The following SLC9A7 variants were observed in gnomAD, a reference collection of about 807,000 sequenced individuals.
The protein encoded by SLC9A7 is solute carrier family 9 member A7.
Under a neutral mutation model 52.6 loss-of-function variants are expected in SLC9A7, and 19 were observed. The ratio of observed to expected loss-of-function variants is 0.36; its 90% CI spans 0.25 to 0.53. The LOEUF (loss-of-function observed/expected upper bound fraction) is 0.53. Among genes scored for constraint, SLC9A7 ranks in the 20% least tolerant of loss-of-function variants. SLC9A7 has a pLI of 0.91. For synonymous variants in SLC9A7, 226 were observed against 252.1 expected (o/e 0.90, Z 0.98); for missense variants, 455 against 597.9 (o/e 0.76, Z 2.49).
intron 7 of SLC9A7, among the ~76,000 whole-genome samples, chrX:46,657,431 T>C (rs1203423218): frequency 6.1e-4 from 67 of 110,273 alleles, no homozygotes; most frequent in Non-Finnish European, 7.9e-4. Context: ...GACTGGCAAA[T>C]TGGATAAAGA....
chrX:46,671,616 T>C (rs970871385), intron 4 of SLC9A7, among the ~76,000 whole-genome samples: 2 of 111,914 alleles, frequency 1.8e-5, no homozygotes, highest in Non-Finnish European at 3.8e-5. Flanking sequence ...GGAGTACTGC[T>C]CAGATATTTT....
intron 14 of SLC9A7, among the ~76,000 whole-genome samples, chrX:46,622,409 C>T (rs1440092966): frequency 9.0e-6 from 1 of 111,456 alleles, no homozygotes; most frequent in Admixed American, 9.5e-5. Flanking sequence ...TTTTGATAGG[C>T]AAATATATAA....
chrX:46,721,992 G>T (rs1468281298), intron 1 of SLC9A7, among the ~76,000 whole-genome samples: 1 of 111,786 alleles, frequency 8.9e-6, no homozygotes, highest in African/African-American at 3.2e-5. Context: ...ACAAATGTGG[G>T]TTTCCTATTC....
At chrX:46,690,579 T>C (rs1334841829) in intron 1 of SLC9A7, among the ~76,000 whole-genome samples, 1 of 112,281 alleles carries the variant, frequency 8.9e-6, no homozygotes, top group East Asian at 2.8e-4. Flanking sequence ...CCTCTTGACA[T>C]TGTCTTTGGC....
intron 1 of SLC9A7, among the ~76,000 whole-genome samples, chrX:46,704,187 T>C (rs758675251): frequency 9.0e-6 from 1 of 111,008 alleles, no homozygotes; most frequent in Admixed American, 9.6e-5. Context: ...TCAACCACTC[T>C]TTTCCCTGTG....
rs927271694 is a variant in SLC9A7 at position 46,615,951 on chromosome X, T to C, written c.1824-2557A>G. 2.7e-5 allele frequency among the ~76,000 whole-genome samples: 3 copies of C among 110,468 alleles called. No individual in the cohort carries two copies. In the Admixed American group the frequency reaches 2.9e-4, roughly 11 times the overall value. ...TAATTAACTTTATACTGGAGATATA[T>C]AACATTTGCTTTCTACTTTATAACT... On this transcript the variant is annotated intron_variant, in intron 15 of 16. Coordinates refer to ENST00000616978, the MANE Select transcript of SLC9A7 (RefSeq NM_001257291.2).
chrX:46,725,797 C>T (rs1489102301), intron 1 of SLC9A7: 1 of 767,271 alleles, frequency 1.3e-6, no homozygotes, highest in African/African-American at 2.1e-5. Context: ...TTGGGTTTCA[C>T]TTTCCCGAAG....
At chrX:46,646,962 G>C in intron 11 of SLC9A7, 1 of 323,172 alleles carries the variant, frequency 3.1e-6, no homozygotes, top group Admixed American at 2.8e-5. Context: ...AGGGATGATC[G>C]GGCTCTATGA....
intron 16 of SLC9A7, among the ~76,000 whole-genome samples, chrX:46,607,926 C>T (rs1942778988): frequency 8.9e-6 from 1 of 112,587 alleles, no homozygotes; most frequent in African/African-American, 3.2e-5. Context: ...CCGCGCTGCA[C>T]TGAGGCCTAT....
intron 8 of SLC9A7, among the ~76,000 whole-genome samples, chrX:46,652,213 T>C (rs1307444099): frequency 8.9e-6 from 1 of 111,854 alleles, no homozygotes; most frequent in Non-Finnish European, 1.9e-5. Context: ...GGCAGTGGCA[T>C]GATCTCGGCT....
At chrX:46,714,186 A>T (rs1249462870) in intron 1 of SLC9A7, among the ~76,000 whole-genome samples, 1 of 110,416 alleles carries the variant, frequency 9.1e-6, no homozygotes, top group Non-Finnish European at 1.9e-5. Context: ...TGAGGTAGGG[A>T]TTATTAACAC....
chrX:46,731,419 C>G (rs906691858), intron 1 of SLC9A7, among the ~76,000 whole-genome samples: 3 of 48,317 alleles, frequency 6.2e-5, no homozygotes, highest in African/African-American at 1.6e-4. Context: ...TAGCCATACT[C>G]CATATAAAAA....
At chrX:46,616,156 T>TAA (rs775387259) in intron 15 of SLC9A7, among the ~76,000 whole-genome samples, 6 of 84,053 alleles carry the variant, frequency 7.1e-5, no homozygotes, top group African/African-American at 1.7e-4. Context: ...CCTCATCTCT[T>TAA]AAAAAAAAAA....
chrX:46,754,041 T>C (rs1178872922), intron 1 of SLC9A7, among the ~76,000 whole-genome samples: 1 of 109,899 alleles, frequency 9.1e-6, no homozygotes, highest in African/African-American at 3.3e-5. Context: ...AGGTGTGTTG[T>C]AAATTTTTTT....
chrX:46,658,567 A>G (rs1332626577), intron 7 of SLC9A7, among the ~76,000 whole-genome samples: 190 of 111,016 alleles, frequency 1.7e-3, no homozygotes, highest in Non-Finnish European at 3.1e-3. Context: ...CAGAAACACA[A>G]ACTACCATCA....
intron 12 of SLC9A7, among the ~76,000 whole-genome samples, chrX:46,638,823 C>G (rs926716574): frequency 2.8e-4 from 31 of 111,244 alleles, no homozygotes; most frequent in African/African-American, 9.8e-4. Context: ...CAATCTCTTC[C>G]AGAAAAAAAA....
At chrX:46,642,379 C>T (rs1484625568) in intron 12 of SLC9A7, among the ~76,000 whole-genome samples, 4 of 112,648 alleles carry the variant, frequency 3.6e-5, no homozygotes, top group South Asian at 7.2e-4. Flanking sequence ...TTCCAGAACA[C>T]GGTCACCCTC....
intron 1 of SLC9A7, among the ~76,000 whole-genome samples, chrX:46,702,897 C>G (rs1037992324): frequency 2.7e-5 from 3 of 112,399 alleles, no homozygotes; most frequent in African/African-American, 9.7e-5. Context: ...TTCCTATCAA[C>G]AGTGTATATG....
Position 46,714,523 on chromosome X carries a change from A to G in SLC9A7, c.326-31988T>C, listed in dbSNP as rs182574431. 6.3e-5 allele frequency among the ~76,000 whole-genome samples: 7 copies of G among 111,247 alleles called. No homozygotes were observed. The East Asian group carries it at 1.7e-3, about 27-fold the overall frequency. ...CTACAAGGACCTCATCTCCACCCCA[A>G]TCTAATTTGGCAGGTTTCACTATTG... On this transcript the variant is annotated intron_variant, in intron 1 of 16. Coordinates refer to ENST00000616978, the MANE Select transcript of SLC9A7 (RefSeq NM_001257291.2).
Sources: gnomAD v4.1 joint callset for allele counts (sites outside exome capture counted in the v4.1 genomes callset) on GRCh38, gnomAD v4.1.1 for gene constraint, MANE v1.5 for transcripts, NCBI Gene and HGNC (gene_info 2026-07-23, HGNC 2026-07-21) for gene names.